Variants in CHN2 observed in about 807,000 individuals in gnomAD.
CHN2 encodes the protein chimerin 2.
Under a neutral mutation model 56.3 loss-of-function variants are expected in CHN2, and 35 were observed. The observed-to-expected ratio is 0.62, with a 90% confidence interval of 0.47 to 0.82. The LOEUF is 0.82. Among genes scored for constraint, CHN2 ranks in the 40% least tolerant of loss-of-function variants. CHN2 has a pLI of 0.00. For synonymous variants in CHN2, 210 were observed against 212.8 expected (o/e 0.99, Z 0.12); for missense variants, 491 against 580.5 (o/e 0.85, Z 1.58).
intron 7 of CHN2, among the ~76,000 whole-genome samples, chr7:29,482,554 C>A (rs931407159): frequency 2.6e-5 from 4 of 152,008 alleles, no homozygotes; most frequent in African/African-American, 9.7e-5. Flanking sequence ...GAAGAAAATT[C>A]TTATCCTAGG....
At chr7:29,457,060 T>C (rs977999960) in intron 6 of CHN2, among the ~76,000 whole-genome samples, 3 of 152,190 alleles carry the variant, frequency 2.0e-5, no homozygotes, top group Non-Finnish European at 2.9e-5. Context: ...CTGAATATTT[T>C]TAATGCTAGT....
chr7:29,291,489 G>GT (rs1304970507), intron 1 of CHN2, among the ~76,000 whole-genome samples: 1 of 152,022 alleles, frequency 6.6e-6, no homozygotes, highest in Non-Finnish European at 1.5e-5. Context: ...ATGTAAATAT[G>GT]TATTTTCTTT....
chr7:29,367,411 A>G (rs1490950431), intron 2 of CHN2, among the ~76,000 whole-genome samples: 1 of 152,162 alleles, frequency 6.6e-6, no homozygotes, highest in Non-Finnish European at 1.5e-5. Flanking sequence ...AAATGGAGGG[A>G]GAAAAGAGAG....
At chr7:29,396,826 A>T (rs928403457) in intron 4 of CHN2, 9 of 152,016 alleles carry the variant, frequency 5.9e-5, no homozygotes, top group Non-Finnish European at 1.3e-4. Context: ...CTCAGGCTGC[A>T]CAGGAGGCTC....
intron 6 of CHN2, among the ~76,000 whole-genome samples, chr7:29,423,992 G>A (rs1336338704): frequency 6.6e-6 from 1 of 152,180 alleles, no homozygotes; most frequent in African/African-American, 2.4e-5. Flanking sequence ...CCCACTCATG[G>A]TGGGCTACTT....
At chr7:29,410,325 A>G (rs1380456505) in intron 6 of CHN2, among the ~76,000 whole-genome samples, 5 of 151,802 alleles carry the variant, frequency 3.3e-5, no homozygotes, top group African/African-American at 4.8e-5. Context: ...TTTAGTAATT[A>G]TATGGTGGTT....
At chr7:29,469,977 C>T (rs1365734710) in intron 6 of CHN2, among the ~76,000 whole-genome samples, 3 of 152,138 alleles carry the variant, frequency 2.0e-5, no homozygotes, top group Admixed American at 6.5e-5. Context: ...AAGGAAGGAG[C>T]TATGTTTGCA....
intron 1 of CHN2, among the ~76,000 whole-genome samples, chr7:29,273,345 A>ATG (rs70980518): frequency 0.042 from 1,167 of 27,934 alleles, 15 homozygotes; most frequent in Non-Finnish European, 0.063. Context: ...ATATATGTGT[A>ATG]TATATATATA....
intron 6 of CHN2, among the ~76,000 whole-genome samples, chr7:29,418,990 A>G (rs763191443): frequency 3.8e-4 from 58 of 152,178 alleles, no homozygotes; most frequent in Non-Finnish European, 7.1e-4. Flanking sequence ...TGGATTTTGA[A>G]GGGCCAGTCA....
intron 1 of CHN2, among the ~76,000 whole-genome samples, chr7:29,222,857 G>A (rs1401775003): frequency 6.6e-6 from 1 of 152,108 alleles, no homozygotes; most frequent in Non-Finnish European, 1.5e-5. Flanking sequence ...TTATTATAAA[G>A]CTGCAATAAT....
At chr7:29,164,797 A>C (rs1009061834) in intron 2 of CHN2, among the ~76,000 whole-genome samples, 6 of 151,698 alleles carry the variant, frequency 4.0e-5, no homozygotes, top group Admixed American at 6.6e-5. Flanking sequence ...AAAAAAAAAA[A>C]AAAACAAAGA....
At chr7:29,209,056 A>G (rs1054996650) in intron 1 of CHN2, 1 of 106,088 alleles carries the variant, frequency 9.4e-6, no homozygotes, top group Admixed American at 1.4e-4. Flanking sequence ...CCCTTGCCTC[A>G]TTGGCTACAG....
chr7:29,434,859 G>A (rs779975477), intron 6 of CHN2, among the ~76,000 whole-genome samples: 1 of 152,168 alleles, frequency 6.6e-6, no homozygotes, highest in Non-Finnish European at 1.5e-5. Context: ...TGGAAGGCCA[G>A]GGCAGGCAGA....
chr7:29,507,092 G>A (rs1334033800), intron 10 of CHN2, 136 bp from the exon 11 acceptor site: 3 of 720,670 alleles, frequency 4.2e-6, no homozygotes, highest in African/African-American at 1.8e-5. Context: ...ACACTTCAGT[G>A]TTACTAGAAG....
At chr7:29,459,835 C>T (rs1273860087) in intron 6 of CHN2, among the ~76,000 whole-genome samples, 1 of 152,150 alleles carries the variant, frequency 6.6e-6, no homozygotes, top group Non-Finnish European at 1.5e-5. Context: ...GCCCGAAAAG[C>T]TTGTCTATCG....
At chr7:29,360,991 T>C (rs1389036607) in intron 2 of CHN2, among the ~76,000 whole-genome samples, 1 of 152,202 alleles carries the variant, frequency 6.6e-6, no homozygotes, top group Non-Finnish European at 1.5e-5. Flanking sequence ...CCCCAGTGGC[T>C]GCCACCCCTG....
chr7:29,365,107 A>T (rs1166574766), intron 2 of CHN2, among the ~76,000 whole-genome samples: 5 of 152,216 alleles, frequency 3.3e-5, no homozygotes, highest in African/African-American at 1.2e-4. Flanking sequence ...CATGGTATCC[A>T]TCGGAAGACG....
At chr7:29,279,819 T>C (rs1230804222) in intron 1 of CHN2, among the ~76,000 whole-genome samples, 2 of 152,212 alleles carry the variant, frequency 1.3e-5, no homozygotes, top group African/African-American at 4.8e-5. Flanking sequence ...CTGTGGGTGA[T>C]GCAGACCAAA....
intron 1 of CHN2, among the ~76,000 whole-genome samples, chr7:29,204,303 A>C (rs578193390): frequency 1.3e-5 from 2 of 152,092 alleles, no homozygotes; most frequent in Non-Finnish European, 2.9e-5. Context: ...AGTTAATATC[A>C]AGGGAAATGA....
Sources: gnomAD v4.1 joint callset for allele counts (sites outside exome capture counted in the v4.1 genomes callset) on GRCh38, gnomAD v4.1.1 for gene constraint, MANE v1.5 for transcripts, NCBI Gene and HGNC (gene_info 2026-07-23, HGNC 2026-07-21) for gene names.